Variants in HLA-DPB1 observed in about 807,000 individuals in gnomAD.
The protein encoded by HLA-DPB1 is HLA class II histocompatibility antigen, DP beta 1 chain.
HLA-DPB1 carries 30 observed loss-of-function variants against 29.4 expected under a neutral mutation model. The observed-to-expected ratio is 1.02, with a 90% CI of 0.76 to 1.38. The LOEUF (loss-of-function observed/expected upper bound fraction) is 1.38, where lower values mean the gene tolerates loss of function less well. HLA-DPB1 is among the 40% of genes most tolerant of loss of function. The pLI is 0.00. For missense variants in HLA-DPB1, 261 were observed against 327.5 expected, an observed-to-expected ratio of 0.80 and a Z score of 1.57; for synonymous variants, 114 against 134.0, an observed-to-expected ratio of 0.85 and a Z score of 1.03.
rs1763037467 is a variant in HLA-DPB1 at position 33,085,092 on chromosome 6, C to T, written c.507C>T (p.Val169=). ...FLNGQEETAG[V]VSTNLIRNGD... ...ATGGACAGGAGGAAACAGCTGGGGT[C>T]GTGTCCACCAACCTGATCCGTAATG... The change falls in exon 3 of 6, where the codon GTC becomes GTT. Residue 169 remains valine (V), a synonymous_variant. Coordinates refer to ENST00000418931, the MANE Select transcript of HLA-DPB1 (RefSeq NM_002121.6). 3.7e-6 allele frequency: 6 copies of T among 1,613,688 alleles called. No individual in the cohort carries two copies. Among genetic ancestry groups the T allele is most frequent in the Non-Finnish European group, 4.2e-6 (5 of 1,180,006 alleles).
At chr6:33,076,197 G>C (rs546970106) in intron 1 of HLA-DPB1, 56 bp downstream of exon 1, 11 of 1,212,788 alleles carry the variant, frequency 9.1e-6, no homozygotes, top group Admixed American at 2.0e-5. Context: ...ATTCCTAGGG[G>C]ACGTTATCTT....
Position 33,087,947 on chromosome 6 carries a change from T to C in HLA-DPB1, c.*1413T>C, listed in dbSNP as rs1401953968. On this transcript the variant is annotated 3_prime_UTR_variant, in exon 6 of 6. Transcript: ENST00000418931. ...TTTCTTTTTAAAACATCTTTATCCCTGATCAGCCTCATTTCCTCAAAAACT... is the reference window on the plus strand; with the variant it reads ...TTTCTTTTTAAAACATCTTTATCCCCGATCAGCCTCATTTCCTCAAAAACT... Among the ~76,000 whole-genome samples, 1 of 150,800 alleles carries C rather than the reference T, an allele frequency of 6.6e-6. No individual in the cohort carries two copies. Among genetic ancestry groups the C allele is most frequent in the African/African-American group, 2.5e-5 (1 of 40,386 alleles).
Position 33,088,351 on chromosome 6 carries a change from C to T in HLA-DPB1, c.*1817C>T, listed in dbSNP as rs138605898. ...ACTCATGTTACAGGTTAGGGCAGTACCCCGAGTGGAGTGAACAATCTCTGG... is the reference window on the plus strand; with the variant it reads ...ACTCATGTTACAGGTTAGGGCAGTATCCCGAGTGGAGTGAACAATCTCTGG... On this transcript the variant is annotated 3_prime_UTR_variant, in exon 6 of 6. Transcript: ENST00000418931. Among the ~76,000 whole-genome samples, 462 of 149,914 alleles carry T rather than the reference C, an allele frequency of 3.1e-3. 6 individuals carry two copies. Among genetic ancestry groups the T allele is most frequent in the African/African-American group, 0.01 (419 of 40,850 alleles).
rs1446562780 is a variant in HLA-DPB1, at chr6:33,085,157, C to A, written c.572C>A (p.Thr191Asn). The A allele has an allele frequency of 6.2e-7, 1 of 1,612,980 alleles. No individual in the cohort carries two copies. Residue 191 changes from threonine (T) to asparagine (N), a missense_variant, in exon 3 of 6, where the codon ACC becomes AAC. Thr to Asn is a moderately conservative substitution (Grantham distance 65). Coordinates refer to ENST00000418931, the MANE Select transcript of HLA-DPB1 (RefSeq NM_002121.6). ...TFQILVMLEM[T>N]PQQGDVYTCQ... Reference sequence around the variant, plus strand: ...CAGATCCTGGTGATGCTGGAAATGACCCCCCAGCAGGGAGATGTCTACACC... The same window carrying A: ...CAGATCCTGGTGATGCTGGAAATGAACCCCCAGCAGGGAGATGTCTACACC...
chr6:33,086,100 G>C (rs9277484), intron 4 of HLA-DPB1, 119 bp from the exon 5 acceptor site: 5 of 961,860 alleles, frequency 5.2e-6, no homozygotes, highest in Middle Eastern at 2.1e-4. Flanking sequence ...AAGTACTCAG[G>C]CTCCTGCGGA....
In HLA-DPB1 at chr6:33,080,936, G is replaced by A; in HGVS notation, c.364+1G>A. 3 of 1,583,272 alleles carry A rather than the reference G, an allele frequency of 1.9e-6. No homozygotes were observed. Among genetic ancestry groups the A allele is most frequent in the South Asian group, 1.2e-5 (1 of 86,708 alleles). On this transcript the variant is annotated splice_donor_variant, in intron 2 of 5. Transcript: ENST00000418931. LOFTEE classifies it high-confidence loss of function. This position sits in a 1 kb window ranked among gnomAD's most constrained non-coding sequence, Gnocchi z 4.3. ...GGGCCCATGACCCTGCAGCGCCGAG[G>A]TGAGTGAGGGCTTTGGGCCGGCGGT... is the stretch of plus-strand genomic sequence containing the variant.
Position 33,080,309 on chromosome 6 carries a change from C to T in HLA-DPB1, c.101-363C>T. The T allele has an allele frequency of 2.3e-6, 1 of 437,628 alleles. No individual in the cohort carries two copies. The highest frequency in any genetic ancestry group is 4.5e-6 in the Non-Finnish European group (1 of 222,264). The allele number at this position is 437,628 out of a possible 1,614,324, so 27.1% of individuals were successfully genotyped here. On this transcript the variant is annotated intron_variant, in intron 1 of 5. Transcript: ENST00000418931. The surrounding 1 kb of genome is among the most constrained non-coding windows in gnomAD (Gnocchi z 4.3). Reference sequence around the variant, plus strand: ...GTAGGGGGAGCAGCTCCGCCCTCCACGTCCCCAGCTCCTCCCGCCCCTGTT... The same window carrying T: ...GTAGGGGGAGCAGCTCCGCCCTCCATGTCCCCAGCTCCTCCCGCCCCTGTT...
In HLA-DPB1 at chr6:33,088,929, C is replaced by G. The variant is rs1214706409; in HGVS notation, c.*2395C>G. On this transcript the variant is annotated 3_prime_UTR_variant, in exon 6 of 6. Coordinates refer to ENST00000418931, the MANE Select transcript of HLA-DPB1 (RefSeq NM_002121.6). Reference sequence around the variant, plus strand: ...TATCCTCCATCCCTTTCCACCTGGTCCCTTCATTTTCTACCCCTCACAGTT... The same window carrying G: ...TATCCTCCATCCCTTTCCACCTGGTGCCTTCATTTTCTACCCCTCACAGTT... 6.6e-6 allele frequency among the ~76,000 whole-genome samples: 1 copy of G among 152,090 alleles called. No homozygotes were observed. The highest frequency in any genetic ancestry group is 2.4e-5 in the African/African-American group (1 of 41,392).
chr6:33,080,790 G>A lies in HLA-DPB1; in HGVS notation c.219G>A (p.Glu73=). ...CGCGCTTCGACAGCGACGTGGGGGA[G>A]TTCCGGGCGGTGACGGAGCTGGGGC... The part of the protein sequence containing the change: ...EFARFDSDVG[E]FRAVTELGRP... The change falls in exon 2 of 6, where the codon GAG becomes GAA. Residue 73 remains glutamate (E), a synonymous_variant. Coordinates refer to ENST00000418931, the MANE Select transcript of HLA-DPB1 (RefSeq NM_002121.6). This position sits in a 1 kb window ranked among gnomAD's most constrained non-coding sequence, Gnocchi z 4.3. The A allele has an allele frequency of 6.2e-7, 1 of 1,613,698 alleles. No homozygotes were observed. The highest frequency in any genetic ancestry group is 8.5e-7 in the Non-Finnish European group (1 of 1,179,860).
chr6:33,077,078 C>A (rs1762578270), intron 1 of HLA-DPB1, among the ~76,000 whole-genome samples: 1 of 116,398 alleles, frequency 8.6e-6, no homozygotes, highest in Admixed American at 1.1e-4. Context: ...CCTCCCCCCA[C>A]CCCACAACAG....
intron 2 of HLA-DPB1, among the ~76,000 whole-genome samples, chr6:33,081,791 T>C (rs373602722): frequency 0.04 from 6,031 of 152,072 alleles, 173 homozygotes; most frequent in African/African-American, 0.084. Flanking sequence ...AGTGTCTCAG[T>C]TCATTCGTCT....
chr6:33,087,686 C>G lies in HLA-DPB1; in HGVS notation c.*1152C>G, dbSNP rs1763176720. ...CCGAAAGCTACTGTGCTCCTCTTGC[C>G]CATCTCCCCTTGCAAATAATATCTT... On this transcript the variant is annotated 3_prime_UTR_variant, in exon 6 of 6. Transcript: ENST00000418931. Among the ~76,000 whole-genome samples the G allele has an allele frequency of 6.6e-6, 1 of 152,204 alleles. No individual in the cohort carries two copies. Among genetic ancestry groups the G allele is most frequent in the African/African-American group, 2.4e-5 (1 of 41,426 alleles).
rs1763183965 is a variant in HLA-DPB1, at chr6:33,087,830, G to A, written c.*1296G>A. Among the ~76,000 whole-genome samples the A allele has an allele frequency of 6.6e-6, 1 of 152,224 alleles. No homozygotes were observed. The highest frequency in any genetic ancestry group is 2.1e-4 in the South Asian group (1 of 4,834). The stretch of plus-strand genomic sequence containing the variant: ...GGAGTCTGCAGAGAGGCTGGACTGA[G>A]TCAGGGAGTCAGGAAAGAGAAGCCA... On this transcript the variant is annotated 3_prime_UTR_variant, in exon 6 of 6. Transcript: ENST00000418931.
intron 1 of HLA-DPB1, among the ~76,000 whole-genome samples, chr6:33,076,379 G>C (rs370121856): frequency 6.6e-6 from 1 of 151,638 alleles, no homozygotes; most frequent in Admixed American, 6.6e-5. Flanking sequence ...CCAGTGGTCA[G>C]TGTCTTTGGG....
chr6:33,086,812 T>G lies in HLA-DPB1; in HGVS notation c.*278T>G. ...CTTTAAAAATATGCACCAAATCATC[T>G]CTCATCACTTTTCTCTGAGGGTTTT... On this transcript the variant is annotated 3_prime_UTR_variant, in exon 6 of 6. Transcript: ENST00000418931. The G allele has an allele frequency of 3.0e-6, 1 of 332,620 alleles. No homozygotes were observed. Among genetic ancestry groups the G allele is most frequent in the South Asian group, 2.6e-5 (1 of 38,920 alleles). The allele number at this position is 332,620 out of a possible 1,614,324, so 20.6% of individuals were successfully genotyped here.
Position 33,080,636 on chromosome 6 carries a change from G to C in HLA-DPB1, c.101-36G>C. The C allele has an allele frequency of 6.2e-7, 1 of 1,611,576 alleles. No individual in the cohort carries two copies. The highest frequency in any genetic ancestry group is 8.5e-7 in the Non-Finnish European group (1 of 1,178,744). On this transcript the variant is annotated intron_variant, in intron 1 of 5. Coordinates refer to ENST00000418931, the MANE Select transcript of HLA-DPB1 (RefSeq NM_002121.6). The surrounding 1 kb of genome is among the most constrained non-coding windows in gnomAD (Gnocchi z 4.3). ...GAGGGAGAAAGAGGATTAGATGAGA[G>C]TGGCGCCTCCGCTCATGTCCGCCCC...
At position 33,087,647 on chromosome 6, in the gene HLA-DPB1, TC is replaced by T. The variant is rs1225585524; in HGVS notation, c.*1116del. Among the ~76,000 whole-genome samples the T allele has an allele frequency of 6.6e-6, 1 of 152,204 alleles. No individual in the cohort carries two copies. The highest frequency in any genetic ancestry group is 1.5e-5 in the Non-Finnish European group (1 of 68,048). On this transcript the variant is annotated 3_prime_UTR_variant, in exon 6 of 6. Coordinates refer to ENST00000418931, the MANE Select transcript of HLA-DPB1 (RefSeq NM_002121.6). The stretch of plus-strand genomic sequence containing the variant: ...GGCCTTGTGTGTCCCTGGGCACCTG[TC>T]CCTGGTCAATTCCCGAAAGCTACTG...
rs1762514531 is a variant in HLA-DPB1, at chr6:33,075,990, CCTT to C, written c.-48_-46del. ...CAAACAGGAGCTCCCTTTAGCGAGT[CCTT>C]CTTTTCCTGACTGCAGCTCTTTTCA... On this transcript the variant is annotated 5_prime_UTR_variant, in exon 1 of 6. Coordinates refer to ENST00000418931, the MANE Select transcript of HLA-DPB1 (RefSeq NM_002121.6). 1 of 1,373,446 alleles carries C rather than the reference CCTT, an allele frequency of 7.3e-7. No homozygotes were observed. The highest frequency in any genetic ancestry group is 1.9e-5 in the Admixed American group (1 of 52,496). The allele number at this position is 1,373,446 out of a possible 1,614,324, so 85.1% of individuals were successfully genotyped here. A position where few individuals can be genotyped will look rare whatever the true frequency, so the allele number is the denominator to read the frequency against.
At chr6:33,081,637 A>G (rs1278053172) in intron 2 of HLA-DPB1, among the ~76,000 whole-genome samples, 1 of 152,046 alleles carries the variant, frequency 6.6e-6, no homozygotes, top group Non-Finnish European at 1.5e-5. Flanking sequence ...TGGGTTTGGA[A>G]ACCAGGGAGA....
Sources: gnomAD v4.1 joint callset for allele counts (sites outside exome capture counted in the v4.1 genomes callset) on GRCh38, gnomAD v4.1.1 for gene constraint, Gnocchi (gnomAD v3.1) non-coding constraint, MANE v1.5 for transcripts, NCBI Gene and HGNC (gene_info 2026-07-23, HGNC 2026-07-21) for gene names.